The following DLEU7 variants were observed in gnomAD, a reference collection of about 807,000 sequenced individuals.
The protein encoded by DLEU7 is leukemia-associated protein 7.
A neutral mutation model predicts 16.0 loss-of-function variants in DLEU7; 17 were observed. The observed-to-expected ratio is 1.06, with a 90% CI of 0.73 to 1.59. The LOEUF (loss-of-function observed/expected upper bound fraction) is 1.59, where lower values mean the gene tolerates loss of function less well. DLEU7 is among the 40% of genes most tolerant of loss of function. The probability of loss-of-function intolerance (pLI) is 0.00; values close to 1 mark genes in which losing one functional copy is unlikely to be tolerated. For missense variants in DLEU7, 308 were observed against 314.9 expected, an observed-to-expected ratio of 0.98 and a Z score of 0.17; for synonymous variants, 113 against 139.8, an observed-to-expected ratio of 0.81 and a Z score of 1.35.
chr13:50,752,360 C>T (rs138213838), intron 1 of DLEU7, among the ~76,000 whole-genome samples: 9 of 151,992 alleles, frequency 5.9e-5, no homozygotes, highest in African/African-American at 2.2e-4. Flanking sequence ...CTTTTTTAGT[C>T]TTTTTGATGT....
At chr13:50,771,849 A>C (rs570014250) in intron 1 of DLEU7, among the ~76,000 whole-genome samples, 65 of 152,266 alleles carry the variant, frequency 4.3e-4, no homozygotes, top group Non-Finnish European at 7.5e-4. Flanking sequence ...GATCTGTCTA[A>C]TATTGACAGT....
intron 1 of DLEU7, among the ~76,000 whole-genome samples, chr13:50,756,119 A>T (rs996172926): frequency 1.3e-5 from 2 of 152,120 alleles, no homozygotes; most frequent in Non-Finnish European, 2.9e-5. Flanking sequence ...TGGAGGTTGC[A>T]GGGGGGTGAA....
upstream of DLEU7, chr13:50,843,842 G>A (rs983052949): frequency 8.9e-6 from 6 of 675,514 alleles, no homozygotes; most frequent in South Asian, 1.1e-4. The surrounding 1 kb of genome is among the most constrained non-coding windows in gnomAD (Gnocchi z 5.7). Flanking sequence ...CCTGAAGTCC[G>A]AATCAGGCGT....
At chr13:50,757,972 G>A (rs515033) in intron 1 of DLEU7, among the ~76,000 whole-genome samples, 25,129 of 149,348 alleles carry the variant, frequency 0.17, 2,237 homozygotes, top group East Asian at 0.21. Flanking sequence ...TATGGTAAGT[G>A]TGAAATATAT....
At chr13:50,714,089 A>G (rs1186050333) in intron 1 of DLEU7, among the ~76,000 whole-genome samples, 3 of 152,242 alleles carry the variant, frequency 2.0e-5, no homozygotes, top group Non-Finnish European at 4.4e-5. Flanking sequence ...ACTATTGCAC[A>G]TACTCAAGCT....
chr13:50,740,243 A>G (rs1175468968), intron 1 of DLEU7, among the ~76,000 whole-genome samples: 1 of 152,140 alleles, frequency 6.6e-6, no homozygotes, highest in Non-Finnish European at 1.5e-5. Context: ...ATGCACAACA[A>G]CCTCAAACCA....
At chr13:50,773,983 C>G (rs1875410283) in intron 1 of DLEU7, among the ~76,000 whole-genome samples, 1 of 152,212 alleles carries the variant, frequency 6.6e-6, no homozygotes, top group Non-Finnish European at 1.5e-5. Context: ...GCGGACGCCC[C>G]TCCCCCAGTC....
rs2761840 is a variant in DLEU7, at chr13:50,726,484, C to T, written c.460-13244G>A. ...CATGTTTTTTAACTTAAATTTCCCT[C>T]GAAAATACACAAGGGTTTAAATTAA... On this transcript the variant is annotated intron_variant, in intron 1 of 1. Coordinates refer to the DLEU7 transcript ENST00000400393. The surrounding 1 kb of genome is among the most constrained non-coding windows in gnomAD (Gnocchi z 4.0). 0.19 allele frequency among the ~76,000 whole-genome samples: 29,504 copies of T among 151,994 alleles called. 3,314 individuals are homozygous for T. Among genetic ancestry groups the T allele is most frequent in the African/African-American group, 0.31 (12,857 of 41,426 alleles).
downstream of DLEU7, among the ~76,000 whole-genome samples, chr13:50,819,443 C>A (rs1474236273): frequency 6.6e-6 from 1 of 152,072 alleles, no homozygotes; most frequent in Non-Finnish European, 1.5e-5. Context: ...TTTACTGTGG[C>A]TGATGTGTGG....
rs952479488 is a variant in DLEU7, at chr13:50,746,545, G to C, written c.460-33305C>G. ...TAAAATAAAGACATTTTGAACATTT[G>C]GGCATTTTTGACTAATACCTTCCCC... On this transcript the variant is annotated intron_variant, in intron 1 of 1. Transcript: ENST00000400393. 2.0e-5 allele frequency among the ~76,000 whole-genome samples: 3 copies of C among 152,116 alleles called. No homozygotes were observed. The East Asian group carries it at 5.8e-4, about 29-fold the overall frequency.
At chr13:50,836,330 GAAGAGAAGA>G (rs1273622264) in intron 1 of DLEU7, among the ~76,000 whole-genome samples, 1 of 152,102 alleles carries the variant, frequency 6.6e-6, no homozygotes, top group East Asian at 1.9e-4. Flanking sequence ...AAAGAGAACA[GAAGAGAAGA>G]AAGAGAAGGA....
intron 1 of DLEU7, among the ~76,000 whole-genome samples, chr13:50,727,843 G>A (rs1012107696): frequency 6.6e-6 from 1 of 152,200 alleles, no homozygotes; most frequent in Non-Finnish European, 1.5e-5. Flanking sequence ...CGGTGTCAAC[G>A]CCAGGCAAGC....
chr13:50,768,293 T>A (rs1040525297), intron 1 of DLEU7, among the ~76,000 whole-genome samples: 1 of 152,152 alleles, frequency 6.6e-6, no homozygotes, highest in Admixed American at 6.6e-5. Context: ...ATTTTATTTT[T>A]TTTTTATTAT....
In DLEU7 at chr13:50,726,343, C is replaced by T. The variant is rs527674537; in HGVS notation, c.460-13103G>A. Among the ~76,000 whole-genome samples, 1 of 151,118 alleles carries T rather than the reference C, an allele frequency of 6.6e-6. No individual in the cohort carries two copies. The highest frequency in any genetic ancestry group is 2.4e-5 in the African/African-American group (1 of 41,320). On this transcript the variant is annotated intron_variant, in intron 1 of 1. Coordinates refer to the DLEU7 transcript ENST00000400393. This position sits in a 1 kb window ranked among gnomAD's most constrained non-coding sequence, Gnocchi z 4.0. Reference sequence around the variant, plus strand: ...CCACCCCTCCTCAGCTGACAGTTTACTTCTCCAACTTCAACAGCTTCTACC... The same window carrying T: ...CCACCCCTCCTCAGCTGACAGTTTATTTCTCCAACTTCAACAGCTTCTACC...
At chr13:50,778,700 T>A (rs1420209025) in intron 1 of DLEU7, among the ~76,000 whole-genome samples, 1 of 152,206 alleles carries the variant, frequency 6.6e-6, no homozygotes, top group African/African-American at 2.4e-5. Flanking sequence ...AAGGTCAAAT[T>A]TCCTAGTTTT....
At chr13:50,819,231 T>A (rs189156065), downstream of DLEU7, among the ~76,000 whole-genome samples, 1 of 152,232 alleles carries the variant, frequency 6.6e-6, no homozygotes, top group South Asian at 2.1e-4. Flanking sequence ...TTGAAATAGA[T>A]GAGAAACGTT....
intron 1 of DLEU7, among the ~76,000 whole-genome samples, chr13:50,840,790 G>T (rs903729603): frequency 8.0e-6 from 1 of 125,506 alleles, no homozygotes; most frequent in Admixed American, 8.1e-5. Context: ...CATGGGGATG[G>T]GGGGGCAGCA....
chr13:50,743,961 A>G (rs972853145), intron 1 of DLEU7, among the ~76,000 whole-genome samples: 2 of 152,130 alleles, frequency 1.3e-5, no homozygotes, highest in Non-Finnish European at 2.9e-5. Context: ...TGATGCTGGG[A>G]ATGATACTCA....
chr13:50,776,596 T>C (rs954575069), intron 1 of DLEU7, among the ~76,000 whole-genome samples: 15 of 152,182 alleles, frequency 9.9e-5, no homozygotes, highest in African/African-American at 3.4e-4. Context: ...TCCTAAATAG[T>C]CATTATAACC....
Sources: allele counts gnomAD v4.1 joint callset (sites outside exome capture counted in the v4.1 genomes callset), GRCh38; gene constraint gnomAD v4.1.1; non-coding constraint Gnocchi (gnomAD v3.1); transcripts MANE v1.5; gene names NCBI Gene and HGNC (gene_info 2026-07-23, HGNC 2026-07-21).